Variants in CAMK1D observed in about 807,000 individuals in gnomAD.
CAMK1D encodes calcium/calmodulin dependent protein kinase ID.
In CAMK1D, 9 loss-of-function variants were observed where a neutral mutation model predicts 47.7. The ratio of observed to expected loss-of-function variants is 0.19; its 90% confidence interval spans 0.11 to 0.33. CAMK1D has a LOEUF of 0.33. Among genes scored for constraint, CAMK1D ranks in the 10% least tolerant of loss-of-function variants. CAMK1D has a pLI of 1.00. For synonymous variants in CAMK1D, 184 were observed against 184.9 expected (o/e 0.99, Z 0.04); for missense variants, 291 against 488.7 (o/e 0.60, Z 3.81).
At chr10:12,763,373 A>G (rs899263867) in intron 4 of CAMK1D, among the ~76,000 whole-genome samples, 4 of 152,214 alleles carry the variant, frequency 2.6e-5, no homozygotes, top group African/African-American at 7.2e-5. Flanking sequence ...GCCCCAGCCT[A>G]CCTGCAAATG....
At chr10:12,658,403 G>T (rs1195873255) in intron 2 of CAMK1D, among the ~76,000 whole-genome samples, 2 of 151,498 alleles carry the variant, frequency 1.3e-5, no homozygotes, top group African/African-American at 4.9e-5. Context: ...TGTGGGATGG[G>T]CAAGTAAAGA....
intron 2 of CAMK1D, among the ~76,000 whole-genome samples, chr10:12,662,681 A>G (rs992542186): frequency 6.6e-6 from 1 of 151,518 alleles, no homozygotes; most frequent in Non-Finnish European, 1.5e-5. Flanking sequence ...TGTGTTTGGT[A>G]GAACTTCAGA....
intron 1 of CAMK1D, among the ~76,000 whole-genome samples, chr10:12,484,825 T>C (rs1438225603): frequency 6.3e-5 from 1 of 15,868 alleles, no homozygotes; most frequent in Non-Finnish European, 1.3e-4. Context: ...ACAGTGACTC[T>C]GGGGGGGAGG....
At chr10:12,817,213 C>CAAACCACATCAGTATA (rs1276584089) in intron 8 of CAMK1D, among the ~76,000 whole-genome samples, 6 of 152,214 alleles carry the variant, frequency 3.9e-5, no homozygotes, top group Non-Finnish European at 8.8e-5. Context: ...GGGACAGAGC[C>CAAACCACATCAGTATA]AAACCACATC....
intron 3 of CAMK1D, among the ~76,000 whole-genome samples, chr10:12,728,552 T>TCAGAA (rs57208782): frequency 2.0e-5 from 3 of 151,654 alleles, no homozygotes; most frequent in African/African-American, 4.9e-5. Context: ...TTACTGTGTG[T>TCAGAA]GAGGTGATCC....
At chr10:12,448,791 G>T (rs374003620) in intron 1 of CAMK1D, among the ~76,000 whole-genome samples, 1 of 152,160 alleles carries the variant, frequency 6.6e-6, no homozygotes, top group Admixed American at 6.5e-5. Flanking sequence ...TCCTCCCGGT[G>T]AAAAACATGA....
chr10:12,475,397 G>C lies in CAMK1D; in HGVS notation c.93-77828G>C, dbSNP rs141766537. Among the ~76,000 whole-genome samples, 1,322 of 152,224 alleles carry C rather than the reference G, an allele frequency of 8.7e-3. 62 individuals are homozygous for C. The highest frequency in any genetic ancestry group is 0.077 in the Admixed American group (1,180 of 15,282). ...ATACTGTATGTGTCCTTTGTGTCTG[G>C]TCTGTTTCACTTAGCATAATGTCCT... is the stretch of plus-strand genomic sequence containing the variant. On this transcript the variant is annotated intron_variant, in intron 1 of 10. Transcript: ENST00000619168.
At chr10:12,568,730 A>G (rs1330543834) in intron 2 of CAMK1D, among the ~76,000 whole-genome samples, 1 of 151,980 alleles carries the variant, frequency 6.6e-6, no homozygotes, top group South Asian at 2.1e-4. Flanking sequence ...GTCTATGAGT[A>G]TGCTGCTTAT....
intron 1 of CAMK1D, among the ~76,000 whole-genome samples, chr10:12,418,315 A>T (rs1285631187): frequency 6.6e-6 from 1 of 152,160 alleles, no homozygotes; most frequent in East Asian, 1.9e-4. Context: ...CTGATTAGAG[A>T]TGGAGATGGG....
intron 2 of CAMK1D, among the ~76,000 whole-genome samples, chr10:12,596,329 G>C (rs1160567845): frequency 6.6e-6 from 1 of 152,164 alleles, no homozygotes; most frequent in Non-Finnish European, 1.5e-5. Flanking sequence ...GAACTTGGAA[G>C]CAAAGTAAAG....
At chr10:12,402,015 C>A (rs1268207942) in intron 1 of CAMK1D, among the ~76,000 whole-genome samples, 1 of 151,880 alleles carries the variant, frequency 6.6e-6, no homozygotes, top group African/African-American at 2.4e-5. Context: ...CATGCCTCAG[C>A]CTCCCTAGTA....
At chr10:12,735,131 C>T (rs991055740) in intron 3 of CAMK1D, among the ~76,000 whole-genome samples, 1 of 152,164 alleles carries the variant, frequency 6.6e-6, no homozygotes, top group African/African-American at 2.4e-5. Context: ...CCCTGATGAT[C>T]TCGAGAGATA....
intron 1 of CAMK1D, among the ~76,000 whole-genome samples, chr10:12,479,547 G>C (rs1269174295): frequency 6.6e-6 from 1 of 152,208 alleles, no homozygotes; most frequent in Non-Finnish European, 1.5e-5. Context: ...TGCCGCCGCT[G>C]CTGTGGGGAC....
chr10:12,637,064 C>T (rs1297981374), intron 2 of CAMK1D, among the ~76,000 whole-genome samples: 51 of 152,186 alleles, frequency 3.4e-4, no homozygotes, highest in African/African-American at 2.9e-4. Flanking sequence ...CTCCACCTCC[C>T]GGGCTCAAGC....
At chr10:12,382,739 CTT>C (rs1207033340) in intron 1 of CAMK1D, among the ~76,000 whole-genome samples, 2 of 152,080 alleles carry the variant, frequency 1.3e-5, no homozygotes, top group Non-Finnish European at 2.9e-5. Flanking sequence ...GCAGGAGAAT[CTT>C]TTGAACTCGG....
intron 1 of CAMK1D, among the ~76,000 whole-genome samples, chr10:12,392,836 T>G (rs1253093388): frequency 1.3e-5 from 2 of 152,088 alleles, no homozygotes; most frequent in Non-Finnish European, 2.9e-5. Flanking sequence ...CCATATTACA[T>G]TCTAGTGAAA....
intron 3 of CAMK1D, among the ~76,000 whole-genome samples, chr10:12,705,977 A>G (rs1170859373): frequency 1.3e-5 from 2 of 152,232 alleles, no homozygotes; most frequent in Non-Finnish European, 2.9e-5. Context: ...GTTATACTGA[A>G]TTCATTTAAT....
intron 8 of CAMK1D, among the ~76,000 whole-genome samples, chr10:12,823,500 G>C (rs1466282578): frequency 6.6e-6 from 1 of 152,062 alleles, no homozygotes. Flanking sequence ...CATGCATGAG[G>C]GAAGGAAGAG....
At chr10:12,633,659 C>T (rs752520150) in intron 2 of CAMK1D, among the ~76,000 whole-genome samples, 6 of 151,922 alleles carry the variant, frequency 3.9e-5, no homozygotes, top group Admixed American at 1.3e-4. Flanking sequence ...TGGGCTCAAG[C>T]GATCCACCCA....
Sources: allele counts gnomAD v4.1 joint callset (sites outside exome capture counted in the v4.1 genomes callset), GRCh38; gene constraint gnomAD v4.1.1; transcripts MANE v1.5; gene names NCBI Gene and HGNC (gene_info 2026-07-23, HGNC 2026-07-21).